Variants in ZNF608 observed in about 807,000 individuals in gnomAD.
The protein encoded by ZNF608 is renal carcinoma antigen NY-REN-36.
Under a neutral mutation model 109.0 loss-of-function variants are expected in ZNF608, and 12 were observed. The ratio of observed to expected loss-of-function variants is 0.11; its 90% CI spans 0.07 to 0.18. ZNF608 has a LOEUF of 0.18. Ranked by LOEUF, ZNF608 falls within the 10% of genes least tolerant of loss-of-function variation. ZNF608 has a pLI of 1.00. For synonymous variants in ZNF608, 732 were observed against 717.4 expected, an observed-to-expected ratio of 1.02 and a Z score of -0.33; for missense variants, 1,707 against 1,879.3, an observed-to-expected ratio of 0.91 and a Z score of 1.70.
At chr5:124,731,503 G>A (rs769212812) in intron 2 of ZNF608, among the ~76,000 whole-genome samples, 4 of 151,632 alleles carry the variant, frequency 2.6e-5, no homozygotes, top group African/African-American at 7.3e-5. Context: ...GAGCCACCGC[G>A]CCCAGCCAAC....
chr5:124,676,060 T>C (rs886421491), intron 3 of ZNF608, among the ~76,000 whole-genome samples: 9 of 152,166 alleles, frequency 5.9e-5, no homozygotes, highest in African/African-American at 1.4e-4. Flanking sequence ...AGATGTAGCA[T>C]TCTACTTGTT....
chr5:124,649,766 T>C, intron 3 of ZNF608, 69 bp from the exon 4 acceptor site: 2 of 1,022,430 alleles, frequency 2.0e-6, no homozygotes, highest in South Asian at 4.0e-5. Context: ...GTTCACTTAT[T>C]ATTTTTTTCT....
intron 3 of ZNF608, among the ~76,000 whole-genome samples, chr5:124,676,920 C>G (rs968446571): frequency 2.0e-5 from 3 of 151,960 alleles, no homozygotes; most frequent in African/African-American, 4.8e-5. Flanking sequence ...TTCAGGATAG[C>G]GGCTATGTAG....
upstream of ZNF608, chr5:124,748,478 T>C (rs917434213): frequency 3.2e-6 from 3 of 943,744 alleles, no homozygotes; most frequent in Non-Finnish European, 3.8e-6. Context: ...CACATTCCCC[T>C]GCATGAAGTC....
At position 124,649,620 on chromosome 5, in the gene ZNF608, C is replaced by A; in HGVS notation, c.1240G>T (p.Ala414Ser). The A allele has an allele frequency of 6.2e-7, 1 of 1,611,902 alleles. No individual in the cohort carries two copies. The highest frequency in any genetic ancestry group is 8.5e-7 in the Non-Finnish European group (1 of 1,179,010). Residue 414 changes from alanine (A) to serine (S), a missense_variant, in exon 4 of 10, where the codon GCC (alanine) becomes TCC (serine). Transcript: ENST00000513986. ...AGGCCCTGTTCATACCTGGGAGGGGCCCAGTCGTGCTTGGTGCAGTCCAGT... is the reference window on the plus strand; with the variant it reads ...AGGCCCTGTTCATACCTGGGAGGGGACCAGTCGTGCTTGGTGCAGTCCAGT... ...TLLDCTKHDW[A>S]PPRFCESPTS...
At chr5:124,692,904 C>G (rs1311361930) in intron 3 of ZNF608, among the ~76,000 whole-genome samples, 1 of 152,200 alleles carries the variant, frequency 6.6e-6, no homozygotes, top group Non-Finnish European at 1.5e-5. Flanking sequence ...ACTCAACAAG[C>G]TAGTCCCTTC....
At chr5:124,691,424 C>G (rs910552513) in intron 3 of ZNF608, among the ~76,000 whole-genome samples, 2 of 152,180 alleles carry the variant, frequency 1.3e-5, no homozygotes, top group African/African-American at 4.8e-5. Flanking sequence ...GAGACACCAT[C>G]TCATACCTGT....
chr5:124,715,328 G>C (rs1425598240), intron 2 of ZNF608, among the ~76,000 whole-genome samples: 1 of 152,110 alleles, frequency 6.6e-6, no homozygotes, highest in African/African-American at 2.4e-5. Flanking sequence ...ACAGGATCAC[G>C]CTCTCTTGGC....
rs1276014572 is a variant in ZNF608 at position 124,668,200 on chromosome 5, ATATATATATATATATAT to A, written c.1163-18520_1163-18504del. Among the ~76,000 whole-genome samples, 251 of 108,668 alleles carry A rather than the reference ATATATATATATATATAT, an allele frequency of 2.3e-3. 3 individuals carry two copies. Among genetic ancestry groups the A allele is most frequent in the African/African-American group, 7.1e-3 (236 of 33,074 alleles). 71.3% of individuals were successfully genotyped at this position (108,668 alleles called of 152,430 possible). ...AGACCTTCTCTATGCTTAAAAATATATATATATATATATATATTATATATATATATATTTTATATATA... is the reference window on the plus strand; with the variant it reads ...AGACCTTCTCTATGCTTAAAAATATATATATATATATATATTTTATATATA... On this transcript the variant is annotated intron_variant, in intron 3 of 9. Transcript: ENST00000513986.
intron 3 of ZNF608, among the ~76,000 whole-genome samples, chr5:124,658,678 T>C (rs949886690): frequency 3.3e-5 from 5 of 152,160 alleles, no homozygotes; most frequent in Admixed American, 3.3e-4. Flanking sequence ...ATTTCCTCAT[T>C]AGAGTAGCAG....
At chr5:124,682,672 TTGA>T (rs1213001957) in intron 3 of ZNF608, among the ~76,000 whole-genome samples, 1 of 152,238 alleles carries the variant, frequency 6.6e-6, no homozygotes, top group Non-Finnish European at 1.5e-5. Context: ...GGCATGACAG[TTGA>T]TGGTGAATCA....
intron 2 of ZNF608, among the ~76,000 whole-genome samples, chr5:124,720,404 T>A (rs1753857022): frequency 6.6e-6 from 1 of 152,208 alleles, no homozygotes; most frequent in Non-Finnish European, 1.5e-5. Flanking sequence ...ACCACTTTTC[T>A]GGCAAAAATT....
intron 2 of ZNF608, among the ~76,000 whole-genome samples, chr5:124,723,993 A>T (rs1014075926): frequency 6.6e-6 from 1 of 152,200 alleles, no homozygotes; most frequent in African/African-American, 2.4e-5. Context: ...TTACTATCAG[A>T]TTAGCACAGA....
chr5:124,690,644 T>C (rs1214254831), intron 3 of ZNF608, among the ~76,000 whole-genome samples: 5 of 151,928 alleles, frequency 3.3e-5, no homozygotes, highest in African/African-American at 1.2e-4. Flanking sequence ...ACCCAGGAGT[T>C]GAAGACCAGC....
intron 3 of ZNF608, among the ~76,000 whole-genome samples, chr5:124,681,274 G>A (rs1334766498): frequency 6.6e-6 from 1 of 152,078 alleles, no homozygotes; most frequent in African/African-American, 2.4e-5. Flanking sequence ...TCAACATGGT[G>A]AAACCCCGTC....
Position 124,644,382 on chromosome 5 carries a change from T to C in ZNF608, c.3985A>G (p.Arg1329Gly), listed in dbSNP as rs1358315961. Residue 1329 changes from arginine to glycine, a missense_variant, in exon 6 of 10, where the codon AGA becomes GGA. Physicochemically the swap from Arg to Gly is moderately radical, Grantham distance 125 (BLOSUM62 -2). Around this residue, in one of 7 missense-constraint regions of ZNF608, gnomAD observed 1,073 missense variants for 1,133.5 expected, o/e 0.95. Transcript: ENST00000513986. Reference sequence around the variant, plus strand: ...CTCATGGGTGAGGAGACAGCCACTCTTGTTCCCCGAGAGTCCTTCCAGTTC... The same window carrying C: ...CTCATGGGTGAGGAGACAGCCACTCCTGTTCCCCGAGAGTCCTTCCAGTTC... ...PVNWKDSRGTRVAVSSPMSQH... is the reference protein window; with the variant it reads ...PVNWKDSRGTGVAVSSPMSQH... 1.9e-6 allele frequency: 3 copies of C among 1,614,204 alleles called. No individual in the cohort carries two copies. The highest frequency in any genetic ancestry group is 1.7e-5 in the Admixed American group (1 of 60,024).
intron 2 of ZNF608, among the ~76,000 whole-genome samples, chr5:124,718,454 A>G (rs1382735267): frequency 6.6e-6 from 1 of 152,220 alleles, no homozygotes; most frequent in East Asian, 1.9e-4. Flanking sequence ...GTGATTTATA[A>G]GCAACACTGA....
chr5:124,700,896 T>A, intron 3 of ZNF608, 118 bp downstream of exon 3: 1 of 1,381,298 alleles, frequency 7.2e-7, no homozygotes, highest in Non-Finnish European at 9.8e-7. Context: ...AGAGCGGAAA[T>A]AAAAAACACT....
At chr5:124,746,135 A>G (rs1436895657) in intron 1 of ZNF608, 60 bp downstream of exon 1, 1 of 985,154 alleles carries the variant, frequency 1.0e-6, no homozygotes, top group Non-Finnish European at 1.2e-6. Flanking sequence ...GTTGATTGTC[A>G]AGAAAAAAAT....
Sources: allele counts gnomAD v4.1 joint callset (sites outside exome capture counted in the v4.1 genomes callset), GRCh38; gene constraint gnomAD v4.1.1; regional missense constraint gnomAD v4.1.1; transcripts MANE v1.5; gene names NCBI Gene and HGNC (gene_info 2026-07-23, HGNC 2026-07-21).